EXOC6: variants seen among roughly 807,000 people sequenced by gnomAD.
EXOC6 encodes the protein exocyst complex component 6.
A neutral mutation model predicts 112.5 loss-of-function variants in EXOC6; 60 were observed. The ratio of observed to expected loss-of-function variants is 0.53; its 90% CI spans 0.43 to 0.66. EXOC6 has a LOEUF of 0.66. EXOC6 is among the 30% of genes least tolerant of loss of function. The pLI is 0.00. For missense variants in EXOC6, 855 were observed against 957.1 expected, an observed-to-expected ratio of 0.89 and a Z score of 1.41; for synonymous variants, 295 against 308.0, an observed-to-expected ratio of 0.96 and a Z score of 0.44.
At chr10:92,920,329 C>T (rs1215942395) in intron 8 of EXOC6, among the ~76,000 whole-genome samples, 1 of 152,096 alleles carries the variant, frequency 6.6e-6, no homozygotes, top group African/African-American at 2.4e-5. Flanking sequence ...TTATAAGTTA[C>T]TTTTACATGT....
chr10:92,880,967 T>C (rs1421884607), intron 1 of EXOC6, among the ~76,000 whole-genome samples: 1 of 152,232 alleles, frequency 6.6e-6, no homozygotes, highest in Non-Finnish European at 1.5e-5. Flanking sequence ...TTTTTGTTTT[T>C]CTTTAGGAAT....
chr10:92,975,796 G>A (rs1477297122), intron 18 of EXOC6, among the ~76,000 whole-genome samples: 2 of 135,896 alleles, frequency 1.5e-5, no homozygotes, highest in South Asian at 4.7e-4. Context: ...GAGGTGGGGG[G>A]GTCAGCCCCC....
At chr10:92,874,347 C>T (rs570271552) in intron 1 of EXOC6, among the ~76,000 whole-genome samples, 1 of 152,194 alleles carries the variant, frequency 6.6e-6, no homozygotes, top group East Asian at 1.9e-4. Flanking sequence ...CATCAGGAGT[C>T]TAGTAACGTA....
chr10:92,858,211 T>C (rs1278974300), intron 1 of EXOC6, among the ~76,000 whole-genome samples: 4 of 152,156 alleles, frequency 2.6e-5, no homozygotes, highest in African/African-American at 9.7e-5. Context: ...TGGATCTCTT[T>C]ATGTTTATCT....
intron 12 of EXOC6, 63 bp from the exon 13 acceptor site, chr10:92,940,664 A>C (rs1452479810): frequency 9.1e-7 from 1 of 1,100,190 alleles, no homozygotes; most frequent in Non-Finnish European, 1.3e-6. Flanking sequence ...TAGTATTCCC[A>C]ACATTTTTAA....
chr10:92,843,067 T>G (rs1044105608), intron 1 of EXOC6, among the ~76,000 whole-genome samples: 2 of 152,194 alleles, frequency 1.3e-5, no homozygotes, highest in Admixed American at 1.3e-4. Context: ...CCGGGGCTAG[T>G]TGCTTTTGAA....
intron 19 of EXOC6, among the ~76,000 whole-genome samples, chr10:93,012,737 C>G (rs1844305828): frequency 6.6e-6 from 1 of 152,218 alleles, no homozygotes; most frequent in Middle Eastern, 3.4e-3. Flanking sequence ...GATAAATTCA[C>G]AAATGGAACA....
intron 20 of EXOC6, among the ~76,000 whole-genome samples, chr10:93,018,231 C>G (rs1001607982): frequency 1.3e-5 from 2 of 151,612 alleles, no homozygotes; most frequent in Non-Finnish European, 2.9e-5. Context: ...TTGAGATAAT[C>G]AGGGAAATAT....
In EXOC6 at chr10:92,967,209, G is replaced by A. The variant is rs4314975; in HGVS notation, c.1774-6844G>A. On this transcript the variant is annotated intron_variant, in intron 17 of 21. Coordinates refer to ENST00000260762, the MANE Select transcript of EXOC6 (RefSeq NM_019053.6). ...TATTAGCCCTTTGTCAGATGAGTAG[G>A]TTGCAAAAATTTTCTCCCATTTGTA... 2.0e-5 allele frequency among the ~76,000 whole-genome samples: 3 copies of A among 151,808 alleles called. No homozygotes were observed. In the South Asian group the frequency reaches 6.2e-4, roughly 32 times the overall value.
At chr10:92,940,002 T>G (rs2133971064) in intron 12 of EXOC6, among the ~76,000 whole-genome samples, 1 of 152,292 alleles carries the variant, frequency 6.6e-6, no homozygotes, top group East Asian at 1.9e-4. Context: ...GGTCTCTTGT[T>G]TTTCTTGGCT....
intron 18 of EXOC6, among the ~76,000 whole-genome samples, chr10:92,984,460 G>A (rs147607743): frequency 1.4e-3 from 219 of 152,166 alleles, no homozygotes; most frequent in Non-Finnish European, 2.4e-3. Flanking sequence ...GTTACCCTGG[G>A]ACTTTTGTTC....
chr10:93,016,389 C>T (rs1220948404), intron 20 of EXOC6, among the ~76,000 whole-genome samples: 1 of 152,028 alleles, frequency 6.6e-6, no homozygotes, highest in Non-Finnish European at 1.5e-5. Context: ...GATCCGCCTG[C>T]CTTGGCCTCC....
At chr10:92,927,889 G>A (rs923137514) in intron 8 of EXOC6, among the ~76,000 whole-genome samples, 6 of 152,316 alleles carry the variant, frequency 3.9e-5, no homozygotes, top group Admixed American at 3.3e-4. Flanking sequence ...AAGCCTGGAA[G>A]TGAAAAGAGA....
At chr10:92,948,788 C>A (rs1853213800) in intron 14 of EXOC6, among the ~76,000 whole-genome samples, 1 of 140,974 alleles carries the variant, frequency 7.1e-6, no homozygotes, top group Non-Finnish European at 1.5e-5. Flanking sequence ...ACAAGAATTT[C>A]TTTGAATTGT....
upstream of EXOC6, among the ~76,000 whole-genome samples, chr10:92,844,631 A>G (rs1024422908): frequency 2.0e-5 from 3 of 152,058 alleles, no homozygotes; most frequent in African/African-American, 7.2e-5. Context: ...TCTGGTTTTT[A>G]TTTTTATTTT....
intron 18 of EXOC6, among the ~76,000 whole-genome samples, chr10:92,994,996 T>C (rs928405845): frequency 6.6e-6 from 1 of 152,104 alleles, no homozygotes; most frequent in Middle Eastern, 3.4e-3. Context: ...ATATAACTTT[T>C]AAAAATTTTA....
intron 20 of EXOC6, among the ~76,000 whole-genome samples, chr10:93,020,349 A>C (rs1305245878): frequency 1.3e-5 from 2 of 152,170 alleles, no homozygotes; most frequent in Admixed American, 1.3e-4. Flanking sequence ...ATGCCTACAG[A>C]TATATGGACT....
intron 18 of EXOC6, among the ~76,000 whole-genome samples, chr10:92,995,329 C>T (rs76993588): frequency 5.3e-5 from 8 of 151,970 alleles, no homozygotes; most frequent in Non-Finnish European, 1.2e-4. Context: ...TCATTTGTAG[C>T]GTCTGAACCC....
At chr10:93,051,046 A>C (rs1390434764) in intron 20 of EXOC6, among the ~76,000 whole-genome samples, 1 of 152,158 alleles carries the variant, frequency 6.6e-6, no homozygotes, top group African/African-American at 2.4e-5. Flanking sequence ...GTATGTATCT[A>C]TATGCTATTT....
Sources: gnomAD v4.1 joint callset for allele counts (sites outside exome capture counted in the v4.1 genomes callset) on GRCh38, gnomAD v4.1.1 for gene constraint, MANE v1.5 for transcripts, NCBI Gene and HGNC (gene_info 2026-07-23, HGNC 2026-07-21) for gene names.